The following NOS1AP variants were observed in gnomAD, a reference collection of about 807,000 sequenced individuals.
The protein encoded by NOS1AP is nitric oxide synthase 1 adaptor protein.
A neutral mutation model predicts 56.2 loss-of-function variants in NOS1AP; 21 were observed. The ratio of observed to expected loss-of-function variants is 0.37; its 90% CI spans 0.26 to 0.54. The LOEUF is 0.54. Among genes scored for constraint, NOS1AP ranks in the 20% least tolerant of loss-of-function variants. The pLI, the probability that NOS1AP is intolerant of heterozygous loss-of-function variation, is 0.84. For synonymous variants in NOS1AP, 270 were observed against 274.6 expected (o/e 0.98, Z 0.17); for missense variants, 522 against 657.8 (o/e 0.79, Z 2.26).
chr1:162,131,039 A>G (rs1306392384), intron 1 of NOS1AP, among the ~76,000 whole-genome samples: 1 of 152,122 alleles, frequency 6.6e-6, no homozygotes, highest in Non-Finnish European at 1.5e-5. Context: ...TTTTCTTACC[A>G]TTTTCTGCAA....
At chr1:162,074,885 T>C (rs1326210875) in intron 1 of NOS1AP, among the ~76,000 whole-genome samples, 1 of 152,154 alleles carries the variant, frequency 6.6e-6, no homozygotes, top group Non-Finnish European at 1.5e-5. Context: ...GGTGGCCCTT[T>C]TGTTTGGCAG....
At chr1:162,123,636 T>C (rs1325422899) in intron 1 of NOS1AP, among the ~76,000 whole-genome samples, 1 of 152,268 alleles carries the variant, frequency 6.6e-6, no homozygotes, top group Non-Finnish European at 1.5e-5. Flanking sequence ...TTTACTATTC[T>C]GTGTATTTGA....
At chr1:162,270,552 T>A (rs992755301) in intron 2 of NOS1AP, among the ~76,000 whole-genome samples, 6 of 152,218 alleles carry the variant, frequency 3.9e-5, no homozygotes, top group Non-Finnish European at 5.9e-5. Flanking sequence ...GAGGTTTTTA[T>A]AAAGTGATAT....
At chr1:162,294,200 G>GAAGA (rs1655370638) in intron 3 of NOS1AP, among the ~76,000 whole-genome samples, 1 of 146,864 alleles carries the variant, frequency 6.8e-6, no homozygotes, top group Non-Finnish European at 1.5e-5. Flanking sequence ...AGGAAGTAAG[G>GAAGA]AAGGAAGGAA....
chr1:162,251,468 A>G (rs1003746012), intron 2 of NOS1AP, among the ~76,000 whole-genome samples: 8 of 152,074 alleles, frequency 5.3e-5, no homozygotes, highest in African/African-American at 1.9e-4. Flanking sequence ...TCATTTCCCA[A>G]TGTACTAGAA....
chr1:162,339,806 C>G (rs189521218), intron 5 of NOS1AP, among the ~76,000 whole-genome samples: 29 of 152,308 alleles, frequency 1.9e-4, no homozygotes, highest in Admixed American at 1.8e-3. Context: ...CAGGCAGGAG[C>G]CAGCATGGCT....
chr1:162,099,391 C>T (rs1251380664), intron 1 of NOS1AP, among the ~76,000 whole-genome samples: 4 of 151,988 alleles, frequency 2.6e-5, no homozygotes, highest in Non-Finnish European at 5.9e-5. Flanking sequence ...GGGGTTTCAC[C>T]GTGTTAGCCA....
chr1:162,232,557 AGTGT>A (rs745917319), intron 2 of NOS1AP, among the ~76,000 whole-genome samples: 6 of 148,640 alleles, frequency 4.0e-5, no homozygotes, highest in African/African-American at 1.5e-4. Flanking sequence ...TGTGTGTCTA[AGTGT>A]GTGTGTGTGT....
At chr1:162,256,431 G>A (rs1011718340) in intron 2 of NOS1AP, among the ~76,000 whole-genome samples, 6 of 152,070 alleles carry the variant, frequency 3.9e-5, no homozygotes, top group African/African-American at 1.4e-4. Context: ...TGAGTCCTTG[G>A]GATTTTCCCT....
intron 1 of NOS1AP, among the ~76,000 whole-genome samples, chr1:162,129,213 A>T (rs1262839523): frequency 6.6e-6 from 1 of 151,948 alleles, no homozygotes; most frequent in East Asian, 1.9e-4. Flanking sequence ...GCCCTCTGTG[A>T]TCTGTCTTTC....
rs933501320 is a variant in NOS1AP at position 162,369,219 on chromosome 1, A to G, written c.*1752A>G. 6.6e-6 allele frequency: 1 copy of G among 152,234 alleles called. No homozygotes were observed. Among genetic ancestry groups the G allele is most frequent in the Non-Finnish European group, 1.5e-5 (1 of 68,054 alleles). 9.4% of individuals were successfully genotyped at this position (152,234 alleles called of 1,614,324 possible). A position where few individuals can be genotyped will look rare whatever the true frequency, so the allele number is the denominator to read the frequency against. On this transcript the variant is annotated 3_prime_UTR_variant, in exon 10 of 10. Transcript: ENST00000361897. ...ATCAGCAACAGATTTGTGTTTTCTA[A>G]CATGCATTTAGTTGGAGAGGCATGG...
At chr1:162,361,697 T>C (rs1474008182) in intron 8 of NOS1AP, among the ~76,000 whole-genome samples, 1 of 152,228 alleles carries the variant, frequency 6.6e-6, no homozygotes, top group East Asian at 1.9e-4. Flanking sequence ...TTATTTAATC[T>C]GGTACAAGGA....
At chr1:162,150,723 C>CT (rs1228921500) in intron 1 of NOS1AP, among the ~76,000 whole-genome samples, 1 of 152,062 alleles carries the variant, frequency 6.6e-6, no homozygotes, top group Non-Finnish European at 1.5e-5. Context: ...TGTTGAGCAC[C>CT]TTTTTATGTA....
intron 4 of NOS1AP, among the ~76,000 whole-genome samples, chr1:162,325,332 G>A (rs1557878836): frequency 6.6e-6 from 1 of 152,178 alleles, no homozygotes; most frequent in Non-Finnish European, 1.5e-5. Context: ...AGCTGCGACA[G>A]GAGTGTGAAA....
intron 6 of NOS1AP, among the ~76,000 whole-genome samples, chr1:162,353,571 A>G (rs1657594961): frequency 6.6e-6 from 1 of 152,174 alleles, no homozygotes; most frequent in Admixed American, 6.5e-5. Flanking sequence ...GTATTTATGG[A>G]ACACTTTCTC....
chr1:162,074,516 G>A (rs1691730499), intron 1 of NOS1AP, among the ~76,000 whole-genome samples: 1 of 152,146 alleles, frequency 6.6e-6, no homozygotes, highest in Non-Finnish European at 1.5e-5. Context: ...GAAGTTTGGA[G>A]GGGAAGTCAT....
chr1:162,259,931 A>G (rs115960356), intron 2 of NOS1AP, among the ~76,000 whole-genome samples: 1,919 of 152,288 alleles, frequency 0.013, 38 homozygotes, highest in African/African-American at 0.043. Context: ...AGATACTCTC[A>G]AAAAGCATAT....
chr1:162,306,757 T>C (rs1442750537), intron 4 of NOS1AP, among the ~76,000 whole-genome samples: 1 of 152,150 alleles, frequency 6.6e-6, no homozygotes, highest in Non-Finnish European at 1.5e-5. Context: ...GTCAAAGTGG[T>C]GAAACTCCAT....
chr1:162,350,091 G>A (rs140448416), intron 6 of NOS1AP, among the ~76,000 whole-genome samples: 1 of 152,310 alleles, frequency 6.6e-6, no homozygotes, highest in Admixed American at 6.5e-5. Context: ...TGAGCGCCCA[G>A]AGTTGAACTG....
Sources: gnomAD v4.1 joint callset for allele counts (sites outside exome capture counted in the v4.1 genomes callset) on GRCh38, gnomAD v4.1.1 for gene constraint, MANE v1.5 for transcripts, NCBI Gene and HGNC (gene_info 2026-07-23, HGNC 2026-07-21) for gene names.